LDLRAD4: variants seen among roughly 807,000 people sequenced by gnomAD.
LDLRAD4 encodes the protein low density lipoprotein receptor class A domain containing 4.
Under a neutral mutation model 17.0 loss-of-function variants are expected in LDLRAD4, and 5 were observed. The ratio of observed to expected loss-of-function variants is 0.29; its 90% CI spans 0.15 to 0.62. LDLRAD4 has a LOEUF of 0.62. Among genes scored for constraint, LDLRAD4 ranks in the 20% least tolerant of loss-of-function variants. LDLRAD4 has a pLI of 0.84. For missense variants in LDLRAD4, 340 were observed against 424.7 expected (o/e 0.80, Z 1.75); for synonymous variants, 168 against 171.8 (o/e 0.98, Z 0.17).
intron 3 of LDLRAD4, among the ~76,000 whole-genome samples, chr18:13,448,128 C>G (rs376087395): frequency 6.6e-6 from 1 of 152,090 alleles, no homozygotes; most frequent in Non-Finnish European, 1.5e-5. Flanking sequence ...TGATTTAAGC[C>G]GTACTGCCCA....
chr18:13,508,853 G>A (rs2093735257), intron 3 of LDLRAD4, among the ~76,000 whole-genome samples: 1 of 152,130 alleles, frequency 6.6e-6, no homozygotes, highest in Non-Finnish European at 1.5e-5. Context: ...TTACTTTTAA[G>A]TCTTATTCTT....
chr18:13,237,723 G>T (rs2042406718), intron 1 of LDLRAD4, among the ~76,000 whole-genome samples: 2 of 152,218 alleles, frequency 1.3e-5, no homozygotes, highest in Admixed American at 6.5e-5. Context: ...TCTGGCCTCA[G>T]TTTCCCCATG....
chr18:13,628,513 C>T (rs76773701), intron 4 of LDLRAD4, among the ~76,000 whole-genome samples: 1 of 152,246 alleles, frequency 6.6e-6, no homozygotes, highest in African/African-American at 2.4e-5. Context: ...TGAGCAAGGA[C>T]TTCCAATTAT....
At chr18:13,256,399 A>G (rs2043504825) in intron 1 of LDLRAD4, among the ~76,000 whole-genome samples, 1 of 152,236 alleles carries the variant, frequency 6.6e-6, no homozygotes, top group South Asian at 2.1e-4. Flanking sequence ...GGCACAGGTT[A>G]GGAATGTGGT....
chr18:13,532,770 T>C (rs2094147505), intron 3 of LDLRAD4, among the ~76,000 whole-genome samples: 1 of 152,190 alleles, frequency 6.6e-6, no homozygotes, highest in African/African-American at 2.4e-5. Context: ...GTGAAATAGT[T>C]TGCAGTCCTG....
At chr18:13,436,182 T>C (rs2090641920) in intron 2 of LDLRAD4, among the ~76,000 whole-genome samples, 1 of 152,212 alleles carries the variant, frequency 6.6e-6, no homozygotes, top group African/African-American at 2.4e-5. Flanking sequence ...TGCTCATATT[T>C]TTAAAATAGT....
At chr18:13,346,273 G>T (rs181918689) in intron 1 of LDLRAD4, among the ~76,000 whole-genome samples, 1 of 152,034 alleles carries the variant, frequency 6.6e-6, no homozygotes, top group African/African-American at 2.4e-5. Flanking sequence ...ATTCTTGTAT[G>T]TTGTGTCTTT....
intron 4 of LDLRAD4, among the ~76,000 whole-genome samples, chr18:13,640,504 C>A (rs896309419): frequency 1.3e-5 from 2 of 152,206 alleles, no homozygotes; most frequent in African/African-American, 4.8e-5. Flanking sequence ...GGCCAACTCT[C>A]CTGCTCCAGG....
At chr18:13,456,637 C>T (rs1361478781) in intron 3 of LDLRAD4, among the ~76,000 whole-genome samples, 1 of 152,172 alleles carries the variant, frequency 6.6e-6, no homozygotes, top group Non-Finnish European at 1.5e-5. Context: ...ATGTCCAGTG[C>T]AGGGTCCATG....
At chr18:13,373,307 T>C (rs935780456) in intron 1 of LDLRAD4, among the ~76,000 whole-genome samples, 3 of 152,186 alleles carry the variant, frequency 2.0e-5, no homozygotes, top group African/African-American at 7.2e-5. Flanking sequence ...CATGGCCTTT[T>C]TTTAAGTTTG....
At chr18:13,565,259 C>T (rs1281245010) in intron 3 of LDLRAD4, among the ~76,000 whole-genome samples, 1 of 152,196 alleles carries the variant, frequency 6.6e-6, no homozygotes, top group Non-Finnish European at 1.5e-5. Flanking sequence ...CAGGGGTGTC[C>T]AGGAGTGGGA....
intron 3 of LDLRAD4, among the ~76,000 whole-genome samples, chr18:13,588,942 T>C (rs2094971997): frequency 6.6e-6 from 1 of 150,938 alleles, no homozygotes; most frequent in Admixed American, 6.6e-5. Flanking sequence ...TCTTTTTTTT[T>C]TTTTGAGACA....
chr18:13,526,637 G>A (rs1430087244), intron 3 of LDLRAD4: 1 of 152,174 alleles, frequency 6.6e-6, no homozygotes, highest in Non-Finnish European at 1.5e-5. Flanking sequence ...CCTAGTCAGA[G>A]CAAAAATAAA....
chr18:13,300,694 C>T lies in LDLRAD4; in HGVS notation c.-383+22506C>T, dbSNP rs1250160267. ...CCTGCACCCAAGAATTTCTTGGTGGCGTTCACACTAAGAAGTGTCAGAGTG... is the reference window on the plus strand; with the variant it reads ...CCTGCACCCAAGAATTTCTTGGTGGTGTTCACACTAAGAAGTGTCAGAGTG... On this transcript the variant is annotated intron_variant, in intron 1 of 5. Coordinates refer to ENST00000359446, the Ensembl canonical transcript of LDLRAD4. The surrounding 1 kb of genome is among the most constrained non-coding windows in gnomAD (Gnocchi z 4.2). 1.3e-5 allele frequency among the ~76,000 whole-genome samples: 2 copies of T among 152,146 alleles called. No homozygotes were observed. The highest frequency in any genetic ancestry group is 2.4e-5 in the African/African-American group (1 of 41,428).
intron 1 of LDLRAD4, among the ~76,000 whole-genome samples, chr18:13,378,108 C>T (rs1019121305): frequency 8.5e-5 from 13 of 152,144 alleles, no homozygotes; most frequent in African/African-American, 2.9e-4. Flanking sequence ...GCTTTGTGAA[C>T]GCAGGCGACT....
chr18:13,409,055 G>A (rs1023791886), intron 2 of LDLRAD4, among the ~76,000 whole-genome samples: 5 of 152,182 alleles, frequency 3.3e-5, no homozygotes, highest in Admixed American at 2.6e-4. Context: ...CTGCCTTTGT[G>A]TCACAGCCCA....
intron 4 of LDLRAD4, among the ~76,000 whole-genome samples, chr18:13,626,059 G>A (rs2041142105): frequency 1.3e-5 from 2 of 151,946 alleles, no homozygotes; most frequent in South Asian, 2.1e-4. Flanking sequence ...TGTGGTGGAA[G>A]TAGTGATTTC....
intron 1 of LDLRAD4, among the ~76,000 whole-genome samples, chr18:13,246,955 T>A (rs1186060601): frequency 4.8e-5 from 7 of 146,764 alleles, no homozygotes; most frequent in South Asian, 4.3e-4. Flanking sequence ...TTTTTTTTTT[T>A]AAATTTCCTA....
chr18:13,478,965 A>T (rs1328249387), intron 3 of LDLRAD4, among the ~76,000 whole-genome samples: 1 of 152,252 alleles, frequency 6.6e-6, no homozygotes, highest in Admixed American at 6.5e-5. Context: ...AAGCAGATCC[A>T]CATAAAAATA....
Sources: gnomAD v4.1 joint callset for allele counts (sites outside exome capture counted in the v4.1 genomes callset) on GRCh38, gnomAD v4.1.1 for gene constraint, Gnocchi (gnomAD v3.1) non-coding constraint, MANE v1.5 for transcripts, NCBI Gene and HGNC (gene_info 2026-07-23, HGNC 2026-07-21) for gene names.